The following ZNF638 variants were observed in gnomAD, a reference collection of about 807,000 sequenced individuals.
ZNF638 encodes the protein CTCL tumor antigen se33-1.
A neutral mutation model predicts 195.6 loss-of-function variants in ZNF638; 46 were observed. The observed-to-expected ratio is 0.24, with a 90% CI of 0.19 to 0.30. ZNF638 has a LOEUF of 0.30. Ranked by LOEUF, ZNF638 falls within the 10% of genes least tolerant of loss-of-function variation. The pLI, the probability that ZNF638 is intolerant of heterozygous loss-of-function variation, is 1.00. For missense variants in ZNF638, 2,440 were observed against 2,325.3 expected, an observed-to-expected ratio of 1.05 and a Z score of -1.01; for synonymous variants, 845 against 772.0, an observed-to-expected ratio of 1.09 and a Z score of -1.57.
intron 1 of ZNF638, chr2:71,332,993 T>G (rs530657494): frequency 6.6e-6 from 1 of 152,328 alleles, no homozygotes; most frequent in East Asian, 1.9e-4. Context: ...TTGTAAAGGA[T>G]TATTTTTTCA....
intron 10 of ZNF638, chr2:71,388,769 C>T: frequency 1.0e-6 from 1 of 962,384 alleles, no homozygotes; most frequent in Non-Finnish European, 1.7e-6. Flanking sequence ...CAGGGGAATT[C>T]TCAGACTAGA....
chr2:71,424,401 C>A (rs962545909), intron 22 of ZNF638, among the ~76,000 whole-genome samples: 3 of 151,892 alleles, frequency 2.0e-5, no homozygotes, highest in African/African-American at 7.3e-5. Flanking sequence ...TATCAGGTCA[C>A]TGATTGCCTA....
In ZNF638 at chr2:71,426,805, G is replaced by A. The variant is rs145029353; in HGVS notation, c.4936G>A (p.Asp1646Asn). 2.5e-6 allele frequency: 4 copies of A among 1,613,152 alleles called. No homozygotes were observed. In the African/African-American group the frequency reaches 5.3e-5, roughly 22 times the overall value. ...VKNSNSLFTL[D>N]ELIDQDDCIS... ...AAATTCAAATTCACTTTTTACATTAGATGAATTAATTGACCAAGATGATTG... is the reference window on the plus strand; with the variant it reads ...AAATTCAAATTCACTTTTTACATTAAATGAATTAATTGACCAAGATGATTG... The change falls in exon 24 of 28, where the codon GAT becomes AAT. Residue 1646 changes from aspartate (D) to asparagine (N), a missense_variant. Physicochemically the swap from Asp to Asn is conservative, Grantham distance 23. Around this residue, in one of 5 missense-constraint regions of ZNF638, gnomAD observed 1,883 missense variants for 1,739.1 expected, o/e 1.08. Transcript: ENST00000264447.
intron 8 of ZNF638, chr2:71,374,763 A>T (rs765869071): frequency 1.3e-5 from 2 of 152,236 alleles, no homozygotes; most frequent in Non-Finnish European, 2.9e-5. Flanking sequence ...TACTAAAAAT[A>T]CAAAAATTAG....
chr2:71,349,818 G>C lies in ZNF638; in HGVS notation c.864G>C (p.Glu288Asp). ...ATAATCGGTCCTTTTTCTCAGTTGA[G>C]AGTGGAACCAAGATGTCAGGCTTAC... ...SSNNRSFFSV[E>D]SGTKMSGLHI... is the part of the protein sequence containing the mutation. The change falls in exon 2 of 28, where the codon GAG (glutamate) becomes GAC (aspartate). Residue 288 changes from glutamate to aspartate, a missense_variant. By Grantham distance (45) the Glu-to-Asp change is conservative. Around this residue, in one of 5 missense-constraint regions of ZNF638, gnomAD observed 305 missense variants for 283.6 expected, o/e 1.08. Transcript: ENST00000264447. The C allele has an allele frequency of 1.9e-6, 3 of 1,614,176 alleles. No individual in the cohort carries two copies. The highest frequency in any genetic ancestry group is 2.5e-6 in the Non-Finnish European group (3 of 1,180,028).
At chr2:71,425,458 T>C (rs2080521110) in intron 23 of ZNF638, among the ~76,000 whole-genome samples, 2 of 152,144 alleles carry the variant, frequency 1.3e-5, no homozygotes, top group Admixed American at 6.6e-5. Flanking sequence ...AGGGTACATA[T>C]TCTAATGTCG....
Position 71,428,524 on chromosome 2 carries a change from AAATT to A in ZNF638, c.5546-21_5546-18del. 1 of 1,585,986 alleles carries A rather than the reference AAATT, an allele frequency of 6.3e-7. No homozygotes were observed. Among genetic ancestry groups the A allele is most frequent in the Non-Finnish European group, 8.6e-7 (1 of 1,157,194 alleles). On this transcript the variant is annotated intron_variant, in intron 24 of 27. Coordinates refer to ENST00000264447, the MANE Select transcript of ZNF638 (RefSeq NM_014497.5). ...ATTTAAATACTGTTACTAGAGCAAT[AAATT>A]AGGACTTTCTTTTTAAAGCTAAAAC...
In ZNF638 at chr2:71,370,144, A is replaced by G. The variant is rs1393059884; in HGVS notation, c.2265+139A>G. On this transcript the variant is annotated intron_variant, in intron 8 of 27. Coordinates refer to ENST00000264447, the MANE Select transcript of ZNF638 (RefSeq NM_014497.5). ...ACATTATATGTGCATTAATTCAAGT[A>G]TGTTGAAATTAAAACTTCCTCATAC... is the stretch of plus-strand genomic sequence containing the variant. 6.2e-6 allele frequency: 6 copies of G among 966,358 alleles called. 1 individual carries two copies. In the Middle Eastern group the frequency reaches 9.9e-4, roughly 159 times the overall value. The allele number at this position is 966,358 out of a possible 1,614,324, so 59.9% of individuals were successfully genotyped here. A position where few individuals can be genotyped will look rare whatever the true frequency, so the allele number is the denominator to read the frequency against.
At chr2:71,361,009 C>T (rs1050835557) in intron 3 of ZNF638, among the ~76,000 whole-genome samples, 9 of 152,092 alleles carry the variant, frequency 5.9e-5, no homozygotes, top group African/African-American at 2.2e-4. Context: ...TGAAGATCAA[C>T]AATATTATTT....
At chr2:71,354,498 G>T (rs544615995) in intron 2 of ZNF638, among the ~76,000 whole-genome samples, 1 of 152,262 alleles carries the variant, frequency 6.6e-6, no homozygotes, top group African/African-American at 2.4e-5. Context: ...ACTTTTGGGA[G>T]GCCGAGGCAG....
intron 1 of ZNF638, among the ~76,000 whole-genome samples, chr2:71,332,298 C>A (rs1232061931): frequency 6.6e-6 from 1 of 152,190 alleles, no homozygotes; most frequent in Non-Finnish European, 1.5e-5. Context: ...GAATGCCGAG[C>A]AGGGAGGAAG....
At chr2:71,394,140 C>A (rs998737894) in intron 10 of ZNF638, among the ~76,000 whole-genome samples, 1 of 152,180 alleles carries the variant, frequency 6.6e-6, no homozygotes, top group African/African-American at 2.4e-5. Flanking sequence ...AATTTAACAT[C>A]TTAGACTGGA....
chr2:71,381,298 C>G (rs573892573), intron 10 of ZNF638, among the ~76,000 whole-genome samples: 6 of 152,090 alleles, frequency 3.9e-5, no homozygotes, highest in East Asian at 3.9e-4. Context: ...GTTTTTCTAA[C>G]TGGAATGAGG....
chr2:71,371,084 G>A (rs1281500024), intron 8 of ZNF638, among the ~76,000 whole-genome samples: 1 of 152,038 alleles, frequency 6.6e-6, no homozygotes, highest in Non-Finnish European at 1.5e-5. Context: ...AAATAAGTGG[G>A]AACATGTGAT....
At chr2:71,335,078 G>T (rs1189304636) in intron 1 of ZNF638, among the ~76,000 whole-genome samples, 2 of 152,166 alleles carry the variant, frequency 1.3e-5, no homozygotes, top group African/African-American at 2.4e-5. Context: ...TTTGAGACAG[G>T]ATCTCACTCT....
chr2:71,418,657 T>A lies in ZNF638; in HGVS notation c.3299+18T>A. 6.5e-7 allele frequency: 1 copy of A among 1,535,728 alleles called. No individual in the cohort carries two copies. Among genetic ancestry groups the A allele is most frequent in the Non-Finnish European group, 8.8e-7 (1 of 1,134,912 alleles). On this transcript the variant is annotated intron_variant, in intron 21 of 27. Coordinates refer to ENST00000264447, the MANE Select transcript of ZNF638 (RefSeq NM_014497.5). ...AAAGAAAGGTATGTTGCTTTATGTTTACTAACACTTTTGTATAGTATTTAG... is the reference window on the plus strand; with the variant it reads ...AAAGAAAGGTATGTTGCTTTATGTTAACTAACACTTTTGTATAGTATTTAG...
Position 71,364,081 on chromosome 2 carries a change from T to C in ZNF638, c.1546T>C (p.Tyr516His). ...GTCTCGAAGCCCAATGCATTACATG[T>C]ATAGGCCGAGAAGTCGAAGTCCAAG... ...RRSRSPMHYMYRPRSRSPRIC... is the reference protein window; with the variant it reads ...RRSRSPMHYMHRPRSRSPRIC... Residue 516 changes from tyrosine to histidine, a missense_variant, in exon 5 of 28, where the codon TAT becomes CAT. Around this residue, in one of 5 missense-constraint regions of ZNF638, gnomAD observed 1,883 missense variants for 1,739.1 expected, o/e 1.08. Coordinates refer to ENST00000264447, the MANE Select transcript of ZNF638 (RefSeq NM_014497.5). 1 of 1,614,194 alleles carries C rather than the reference T, an allele frequency of 6.2e-7. No homozygotes were observed. The highest frequency in any genetic ancestry group is 1.7e-5 in the Admixed American group (1 of 60,024).
At chr2:71,406,073 A>G (rs2080099666) in intron 18 of ZNF638, 55 bp from the exon 19 acceptor site, 1 of 1,599,032 alleles carries the variant, frequency 6.3e-7, no homozygotes, top group South Asian at 1.1e-5. Flanking sequence ...AATCTGTTTT[A>G]CCGTTTGTTG....
At chr2:71,383,468 C>A (rs371659588) in intron 10 of ZNF638, among the ~76,000 whole-genome samples, 1 of 151,582 alleles carries the variant, frequency 6.6e-6, no homozygotes, top group Non-Finnish European at 1.5e-5. Flanking sequence ...ATGAAAACTT[C>A]TTGATTTTCT....
Sources: allele counts gnomAD v4.1 joint callset (sites outside exome capture counted in the v4.1 genomes callset), GRCh38; gene constraint gnomAD v4.1.1; regional missense constraint gnomAD v4.1.1; transcripts MANE v1.5; gene names NCBI Gene and HGNC (gene_info 2026-07-23, HGNC 2026-07-21).